The following ATXN7L1 variants were observed in gnomAD, a reference collection of about 807,000 sequenced individuals.
ATXN7L1 encodes ataxin-7-like protein 1.
A neutral mutation model predicts 70.8 loss-of-function variants in ATXN7L1; 15 were observed. The ratio of observed to expected loss-of-function variants is 0.21; its 90% CI spans 0.14 to 0.33. The LOEUF is 0.33. ATXN7L1 is among the 10% of genes least tolerant of loss of function. The probability of loss-of-function intolerance (pLI) is 1.00; values close to 1 mark genes in which losing one functional copy is unlikely to be tolerated. For synonymous variants in ATXN7L1, 440 were observed against 445.1 expected (o/e 0.99, Z 0.14); for missense variants, 975 against 1,097.1 (o/e 0.89, Z 1.57).
At chr7:105,832,924 C>G (rs528702684) in intron 2 of ATXN7L1, among the ~76,000 whole-genome samples, 1 of 152,336 alleles carries the variant, frequency 6.6e-6, no homozygotes, top group East Asian at 1.9e-4. Flanking sequence ...ATTACTATCC[C>G]AGCACAAGCC....
At chr7:105,658,523 CTT>C (rs36163594) in intron 4 of ATXN7L1, among the ~76,000 whole-genome samples, 2,613 of 107,392 alleles carry the variant, frequency 0.024, 60 homozygotes, top group African/African-American at 0.088. Context: ...TGGCACATAA[CTT>C]TTTTTTTTTT....
At position 105,645,061 on chromosome 7, in the gene ATXN7L1, A is replaced by G. The variant is rs10269980; in HGVS notation, c.579-1940T>C. Among the ~76,000 whole-genome samples the G allele has an allele frequency of 5.3e-3, 779 of 146,438 alleles. 9 individuals carry two copies. The highest frequency in any genetic ancestry group is 0.019 in the African/African-American group (748 of 39,068). On this transcript the variant is annotated intron_variant, in intron 4 of 11. Transcript: ENST00000419735. ...GGAGTAGTCAAATTCATAGAGACAG[A>G]AAGCAGAGCAGTGGTTGCCAGGGGA...
intron 2 of ATXN7L1, among the ~76,000 whole-genome samples, chr7:105,832,194 T>C (rs574494713): frequency 6.6e-6 from 1 of 152,276 alleles, no homozygotes; most frequent in African/African-American, 2.4e-5. Flanking sequence ...ACCCAGTTAC[T>C]TGACATTATA....
At chr7:105,772,001 A>C (rs1802075321) in intron 3 of ATXN7L1, among the ~76,000 whole-genome samples, 1 of 152,080 alleles carries the variant, frequency 6.6e-6, no homozygotes, top group African/African-American at 2.4e-5. Context: ...CAAATATATA[A>C]AGTAGTTACA....
intron 3 of ATXN7L1, among the ~76,000 whole-genome samples, chr7:105,716,664 T>TGC (rs1384755775): frequency 2.6e-4 from 26 of 98,930 alleles, no homozygotes; most frequent in Middle Eastern, 5.0e-3. Flanking sequence ...AACCTATCTC[T>TGC]GCACACACAC....
At chr7:105,736,254 CA>C (rs1384654122) in intron 3 of ATXN7L1, among the ~76,000 whole-genome samples, 1 of 152,234 alleles carries the variant, frequency 6.6e-6, no homozygotes, top group Non-Finnish European at 1.5e-5. Context: ...AAGCTGAAAA[CA>C]TAGATTGACT....
intron 4 of ATXN7L1, among the ~76,000 whole-genome samples, chr7:105,660,934 C>A (rs1337056110): frequency 1.3e-5 from 2 of 152,126 alleles, no homozygotes; most frequent in African/African-American, 4.8e-5. Context: ...GGGTTAGGTA[C>A]CCTTCTCCTT....
At chr7:105,800,524 T>C (rs1806652862) in intron 2 of ATXN7L1, among the ~76,000 whole-genome samples, 1 of 152,212 alleles carries the variant, frequency 6.6e-6, no homozygotes, top group Admixed American at 6.5e-5. Context: ...TCTTTCCCAT[T>C]TGTACACTGT....
At chr7:105,856,935 T>C (rs1290033558) in intron 2 of ATXN7L1, among the ~76,000 whole-genome samples, 1 of 152,152 alleles carries the variant, frequency 6.6e-6, no homozygotes, top group Non-Finnish European at 1.5e-5. Flanking sequence ...CTGAAAACTC[T>C]ACTTCAAAAA....
chr7:105,616,618 T>C (rs976973499), intron 9 of ATXN7L1, among the ~76,000 whole-genome samples: 6 of 152,166 alleles, frequency 3.9e-5, no homozygotes, highest in Admixed American at 2.6e-4. Context: ...AATGAATGGA[T>C]GGATGAATGG....
At chr7:105,653,688 T>C (rs1475187848) in intron 4 of ATXN7L1, among the ~76,000 whole-genome samples, 1 of 152,196 alleles carries the variant, frequency 6.6e-6, no homozygotes, top group African/African-American at 2.4e-5. Context: ...ATGAAAGTCT[T>C]TGTGGGCTGC....
intron 3 of ATXN7L1, among the ~76,000 whole-genome samples, chr7:105,727,777 T>TATATATATATATATATACAC (rs1462125950): frequency 5.8e-4 from 52 of 90,152 alleles, no homozygotes; most frequent in East Asian, 2.2e-3. Context: ...TATATATATA[T>TATATATATATATATATACAC]ACACACACAT....
At chr7:105,794,619 C>T (rs1411358998) in intron 2 of ATXN7L1, among the ~76,000 whole-genome samples, 2 of 152,172 alleles carry the variant, frequency 1.3e-5, no homozygotes, top group Non-Finnish European at 2.9e-5. Context: ...GTTTTATGAA[C>T]TGAACTGAAA....
chr7:105,874,483 T>C (rs1300330098), intron 2 of ATXN7L1, among the ~76,000 whole-genome samples: 1 of 152,220 alleles, frequency 6.6e-6, no homozygotes, highest in African/African-American at 2.4e-5. Context: ...AAGCTGCCAC[T>C]TGTAAGAAGT....
chr7:105,645,188 C>T (rs1391934207), intron 4 of ATXN7L1, among the ~76,000 whole-genome samples: 1 of 151,486 alleles, frequency 6.6e-6, no homozygotes, highest in Non-Finnish European at 1.5e-5. Flanking sequence ...ATTGGTTGCA[C>T]AACAGTGTGA....
chr7:105,669,874 G>C (rs1055748027), intron 3 of ATXN7L1, among the ~76,000 whole-genome samples: 2 of 138,556 alleles, frequency 1.4e-5, no homozygotes, highest in African/African-American at 5.5e-5. Context: ...AGCCGAGATC[G>C]AACCATTGCA....
At chr7:105,858,812 C>A (rs1203660534) in intron 2 of ATXN7L1, among the ~76,000 whole-genome samples, 1 of 151,928 alleles carries the variant, frequency 6.6e-6, no homozygotes, top group Non-Finnish European at 1.5e-5. Flanking sequence ...AGGTAAGACA[C>A]CACAAGGAAG....
At chr7:105,772,493 T>C (rs1486617215) in intron 3 of ATXN7L1, among the ~76,000 whole-genome samples, 2 of 152,230 alleles carry the variant, frequency 1.3e-5, no homozygotes, top group African/African-American at 4.8e-5. Flanking sequence ...CAAATACATA[T>C]TGACCCAAAG....
intron 3 of ATXN7L1, among the ~76,000 whole-genome samples, chr7:105,686,689 A>C (rs1240126995): frequency 6.6e-6 from 1 of 152,242 alleles, no homozygotes; most frequent in Non-Finnish European, 1.5e-5. Flanking sequence ...CATGTAATGT[A>C]TTGCATATCA....
Sources: allele counts gnomAD v4.1 joint callset (sites outside exome capture counted in the v4.1 genomes callset), GRCh38; gene constraint gnomAD v4.1.1; transcripts MANE v1.5; gene names NCBI Gene and HGNC (gene_info 2026-07-23, HGNC 2026-07-21).